The following KCNH7 variants were observed in gnomAD, a reference collection of about 807,000 sequenced individuals.
KCNH7 encodes voltage-gated inwardly rectifying potassium channel KCNH7.
Under a neutral mutation model 120.8 loss-of-function variants are expected in KCNH7, and 49 were observed. The observed-to-expected ratio is 0.41, with a 90% CI of 0.32 to 0.51. The LOEUF is 0.51. KCNH7 is among the 20% of genes least tolerant of loss of function. The probability of loss-of-function intolerance (pLI) is 0.38; values close to 1 mark genes in which losing one functional copy is unlikely to be tolerated. For synonymous variants in KCNH7, 547 were observed against 516.1 expected (o/e 1.06, Z -0.81); for missense variants, 1,097 against 1,446.6 (o/e 0.76, Z 3.92).
intron 8 of KCNH7, among the ~76,000 whole-genome samples, chr2:162,424,665 T>C (rs1321875314): frequency 6.6e-6 from 1 of 152,224 alleles, no homozygotes; most frequent in African/African-American, 2.4e-5. Context: ...AAGTAAGCTT[T>C]GGCCAGATTC....
At chr2:162,829,914 C>A (rs1018581141) in intron 2 of KCNH7, among the ~76,000 whole-genome samples, 30 of 147,868 alleles carry the variant, frequency 2.0e-4, no homozygotes, top group African/African-American at 7.5e-4. Flanking sequence ...TAAGTAAATA[C>A]TAACAGTGCA....
intron 3 of KCNH7, among the ~76,000 whole-genome samples, chr2:162,521,468 T>C (rs977551957): frequency 1.3e-5 from 2 of 151,916 alleles, no homozygotes; most frequent in South Asian, 4.1e-4. Flanking sequence ...CTACTTGATT[T>C]AACTCATTGA....
chr2:162,649,820 A>T (rs1355269148), intron 2 of KCNH7, among the ~76,000 whole-genome samples: 1 of 152,208 alleles, frequency 6.6e-6, no homozygotes, highest in African/African-American at 2.4e-5. Flanking sequence ...AATTAAACAT[A>T]GCTACATTTA....
intron 6 of KCNH7, among the ~76,000 whole-genome samples, chr2:162,497,515 G>A (rs1455136946): frequency 1.3e-5 from 2 of 152,136 alleles, no homozygotes; most frequent in Non-Finnish European, 2.9e-5. Flanking sequence ...TGGTGTCACA[G>A]TCAAATGTTA....
At chr2:162,603,710 C>T (rs1326599948) in intron 2 of KCNH7, among the ~76,000 whole-genome samples, 1 of 151,920 alleles carries the variant, frequency 6.6e-6, no homozygotes, top group Non-Finnish European at 1.5e-5. Flanking sequence ...TTTCAGAAAA[C>T]ATCCTATCTA....
intron 2 of KCNH7, among the ~76,000 whole-genome samples, chr2:162,750,173 C>T (rs1166157140): frequency 7.5e-6 from 1 of 132,952 alleles, no homozygotes; most frequent in Non-Finnish European, 1.5e-5. Context: ...GAACACACAT[C>T]GGCATTAGCT....
chr2:162,602,823 A>G (rs1432865549), intron 2 of KCNH7, among the ~76,000 whole-genome samples: 1 of 152,026 alleles, frequency 6.6e-6, no homozygotes, highest in Non-Finnish European at 1.5e-5. Context: ...ATCAAAAGCC[A>G]TTCTAGATAT....
At chr2:162,523,686 A>G (rs1691606189) in intron 3 of KCNH7, among the ~76,000 whole-genome samples, 1 of 151,858 alleles carries the variant, frequency 6.6e-6, no homozygotes, top group African/African-American at 2.4e-5. Context: ...TATTAGAAAC[A>G]ATCATTTTCT....
intron 2 of KCNH7, among the ~76,000 whole-genome samples, chr2:162,819,228 T>G (rs1371382723): frequency 6.6e-6 from 1 of 152,206 alleles, no homozygotes; most frequent in African/African-American, 2.4e-5. Flanking sequence ...ATTGTATCCT[T>G]GTAACATTGC....
At chr2:162,572,864 C>A (rs13415564) in intron 2 of KCNH7, among the ~76,000 whole-genome samples, 85,141 of 150,580 alleles carry the variant, frequency 0.57, 24,704 homozygotes, top group Admixed American at 0.68. Context: ...ACATGGACAC[C>A]GGAATGGGAA....
At chr2:162,596,765 A>G (rs116414520) in intron 2 of KCNH7, among the ~76,000 whole-genome samples, 3 of 152,170 alleles carry the variant, frequency 2.0e-5, no homozygotes, top group African/African-American at 7.2e-5. Flanking sequence ...GAGTGAAGAG[A>G]TGATCTATGG....
At chr2:162,394,854 A>C (rs1484475071) in intron 11 of KCNH7, among the ~76,000 whole-genome samples, 5 of 151,844 alleles carry the variant, frequency 3.3e-5, no homozygotes, top group African/African-American at 1.2e-4. Context: ...TACAGGCTTT[A>C]ACTGTGCAGG....
At chr2:162,424,309 T>C (rs1045768588) in intron 8 of KCNH7, among the ~76,000 whole-genome samples, 1 of 152,198 alleles carries the variant, frequency 6.6e-6, no homozygotes, top group Admixed American at 6.5e-5. Context: ...AATATCTGTA[T>C]TGGTGCTTCT....
At chr2:162,650,527 C>T (rs1208226060) in intron 2 of KCNH7, among the ~76,000 whole-genome samples, 5 of 152,082 alleles carry the variant, frequency 3.3e-5, no homozygotes, top group Non-Finnish European at 7.4e-5. Context: ...GGGAAATTTT[C>T]CTTTCCTCTT....
chr2:162,724,540 C>T (rs1574309651), intron 2 of KCNH7, among the ~76,000 whole-genome samples: 2 of 149,944 alleles, frequency 1.3e-5, no homozygotes, highest in South Asian at 2.1e-4. Context: ...GGCGTAGTGG[C>T]GGGCGCCTGT....
At chr2:162,669,169 T>A (rs1464537378) in intron 2 of KCNH7, among the ~76,000 whole-genome samples, 1 of 152,198 alleles carries the variant, frequency 6.6e-6, no homozygotes, top group Non-Finnish European at 1.5e-5. Context: ...ATTTAGATTT[T>A]TTTAGATTTT....
chr2:162,537,024 C>T lies in KCNH7; in HGVS notation c.364G>A (p.Ala122Thr). Reference sequence around the variant, plus strand: ...TCAAAATTAATGATGAACATCATAGCCACGCCCTCTTGGTTTTTCACTGGA... The same window carrying T: ...TCAAAATTAATGATGAACATCATAGTCACGCCCTCTTGGTTTTTCACTGGA... ...IIPVKNQEGV[A>T]MMFIINFEYV... Residue 122 changes from alanine to threonine, a missense_variant, in exon 3 of 16, where the codon GCT (alanine) becomes ACT (threonine). By Grantham distance (58) the Ala-to-Thr change is moderately conservative. Transcript: ENST00000332142. 1 of 1,612,536 alleles carries T rather than the reference C, an allele frequency of 6.2e-7. No individual in the cohort carries two copies. The highest frequency in any genetic ancestry group is 1.1e-5 in the South Asian group (1 of 91,018).
At chr2:162,380,051 A>G (rs1686359930) in intron 13 of KCNH7, 30 bp from the exon 14 acceptor site, 4 of 1,610,250 alleles carry the variant, frequency 2.5e-6, no homozygotes, top group Non-Finnish European at 3.4e-6. Flanking sequence ...GGATGTCAAC[A>G]CTCTTAGGTG....
At chr2:162,773,610 G>C (rs1683137022) in intron 2 of KCNH7, among the ~76,000 whole-genome samples, 1 of 151,920 alleles carries the variant, frequency 6.6e-6, no homozygotes, top group Admixed American at 6.6e-5. Context: ...GAAACAAAAA[G>C]CACATCAAGA....
Sources: allele counts gnomAD v4.1 joint callset (sites outside exome capture counted in the v4.1 genomes callset), GRCh38; gene constraint gnomAD v4.1.1; transcripts MANE v1.5; gene names NCBI Gene and HGNC (gene_info 2026-07-23, HGNC 2026-07-21).